The following RBFOX1 variants were observed in gnomAD, a reference collection of about 807,000 sequenced individuals.
RBFOX1 encodes the protein RNA binding fox-1 homolog 1.
RBFOX1 carries 8 observed loss-of-function variants against 57.7 expected under a neutral mutation model. The ratio of observed to expected loss-of-function variants is 0.14; its 90% CI spans 0.08 to 0.25. The LOEUF is 0.25. Ranked by LOEUF, RBFOX1 falls within the 10% of genes least tolerant of loss-of-function variation. The pLI, the probability that RBFOX1 is intolerant of heterozygous loss-of-function variation, is 1.00. For missense variants in RBFOX1, 611 were observed against 548.5 expected (o/e 1.11, Z -1.14); for synonymous variants, 326 against 222.4 (o/e 1.47, Z -4.15).
At chr16:6,086,972 C>G (rs902974999) in intron 1 of RBFOX1, among the ~76,000 whole-genome samples, 1 of 152,158 alleles carries the variant, frequency 6.6e-6, no homozygotes, top group African/African-American at 2.4e-5. Flanking sequence ...AGTCACAAAG[C>G]TGTAGCAACA....
At position 7,564,350 on chromosome 16, in the gene RBFOX1, C is replaced by T. The variant is rs190883223; in HGVS notation, c.271-15427C>T. On this transcript the variant is annotated intron_variant, in intron 5 of 15. Transcript: ENST00000550418. The stretch of plus-strand genomic sequence containing the variant: ...GTCAGGAGTTCAAGACCAGAGTGGC[C>T]AACATGTTGAAACCTCCTCTCTACT... Among the ~76,000 whole-genome samples, 78 of 151,678 alleles carry T rather than the reference C, an allele frequency of 5.1e-4. 1 individual carries two copies. Among genetic ancestry groups the T allele is most frequent in the African/African-American group, 1.8e-3 (74 of 41,300 alleles).
intron 2 of RBFOX1, among the ~76,000 whole-genome samples, chr16:6,412,252 T>A (rs1341955754): frequency 6.6e-6 from 1 of 151,950 alleles, no homozygotes; most frequent in South Asian, 2.1e-4. Context: ...AGAGAAAAGG[T>A]ATGTCCCCAA....
intron 3 of RBFOX1, among the ~76,000 whole-genome samples, chr16:6,982,294 T>C (rs2089133117): frequency 6.6e-6 from 1 of 152,180 alleles, no homozygotes; most frequent in African/African-American, 2.4e-5. Context: ...TTGACCTACA[T>C]TATTCCATTT....
At chr16:7,066,247 C>G (rs1484806620) in intron 4 of RBFOX1, among the ~76,000 whole-genome samples, 1 of 152,112 alleles carries the variant, frequency 6.6e-6, no homozygotes, top group Non-Finnish European at 1.5e-5. Flanking sequence ...GGAATTGAAC[C>G]CAGGTCTATA....
intron 4 of RBFOX1, among the ~76,000 whole-genome samples, chr16:7,150,501 C>T (rs993595133): frequency 3.3e-5 from 5 of 152,094 alleles, no homozygotes; most frequent in Non-Finnish European, 5.9e-5. Flanking sequence ...GTAACAATTC[C>T]ATAAATGATG....
intron 4 of RBFOX1, among the ~76,000 whole-genome samples, chr16:7,494,004 C>G (rs1356587673): frequency 6.6e-6 from 1 of 152,066 alleles, no homozygotes; most frequent in Admixed American, 6.6e-5. Flanking sequence ...GCAATGGCAC[C>G]TTTTATTTTT....
chr16:5,787,650 A>G (rs1186467895), intron 3 of RBFOX1, among the ~76,000 whole-genome samples: 1 of 152,184 alleles, frequency 6.6e-6, no homozygotes, highest in African/African-American at 2.4e-5. Flanking sequence ...AAAGGTGACA[A>G]AGAGCTGGAT....
intron 3 of RBFOX1, among the ~76,000 whole-genome samples, chr16:6,965,849 G>C (rs868529574): frequency 9.2e-5 from 14 of 151,544 alleles, no homozygotes; most frequent in Middle Eastern, 6.8e-3. Context: ...GCATCCATGG[G>C]GATAAGGAAA....
intron 2 of RBFOX1, among the ~76,000 whole-genome samples, chr16:6,401,727 A>C (rs1431514940): frequency 6.6e-6 from 1 of 152,188 alleles, no homozygotes; most frequent in Non-Finnish European, 1.5e-5. Flanking sequence ...GAAGGAAGAA[A>C]TCAAAGTTTA....
chr16:5,436,114 C>G (rs984772026), intron 1 of RBFOX1, among the ~76,000 whole-genome samples: 3 of 152,172 alleles, frequency 2.0e-5, no homozygotes, highest in Non-Finnish European at 4.4e-5. Context: ...AGGGGGCAGT[C>G]CTAGAGTCAT....
rs2062312092 is a variant in RBFOX1 at position 7,099,605 on chromosome 16, G to C, written c.27+47507G>C. ...CCTTGACACAGCCTCAGGAGGTCCTGAGGACACGTGCCCAAGGTGGTTGGG... is the reference window on the plus strand; with the variant it reads ...CCTTGACACAGCCTCAGGAGGTCCTCAGGACACGTGCCCAAGGTGGTTGGG... On this transcript the variant is annotated intron_variant, in intron 4 of 15. Transcript: ENST00000550418. Among the ~76,000 whole-genome samples the C allele has an allele frequency of 2.0e-5, 3 of 152,154 alleles. No individual in the cohort carries two copies. The South Asian group carries it at 6.2e-4, about 32-fold the overall frequency.
At chr16:6,718,253 G>A (rs1422267525) in intron 3 of RBFOX1, among the ~76,000 whole-genome samples, 1 of 152,184 alleles carries the variant, frequency 6.6e-6, no homozygotes, top group Non-Finnish European at 1.5e-5. Context: ...CATATGGTAG[G>A]TATGTTGGCA....
intron 4 of RBFOX1, among the ~76,000 whole-genome samples, chr16:7,281,196 C>G (rs1311858771): frequency 6.6e-6 from 1 of 151,788 alleles, no homozygotes; most frequent in African/African-American, 2.4e-5. Flanking sequence ...AGAGATGGGG[C>G]TTCACTGTGT....
chr16:6,249,633 C>T (rs891581116), intron 1 of RBFOX1, among the ~76,000 whole-genome samples: 1 of 152,036 alleles, frequency 6.6e-6, no homozygotes, highest in Non-Finnish European at 1.5e-5. Flanking sequence ...GGAGTGGCCC[C>T]TGTGGAGGTA....
intron 4 of RBFOX1, among the ~76,000 whole-genome samples, chr16:7,497,104 C>A (rs939114394): frequency 1.3e-5 from 2 of 152,164 alleles, no homozygotes; most frequent in Non-Finnish European, 2.9e-5. Context: ...CTAAGACAAA[C>A]CTGACCATGT....
intron 3 of RBFOX1, among the ~76,000 whole-genome samples, chr16:7,032,661 G>A (rs955023874): frequency 1.3e-5 from 2 of 151,964 alleles, no homozygotes; most frequent in Non-Finnish European, 2.9e-5. Context: ...TGGAATTAAA[G>A]ACGATAATCT....
chr16:6,382,062 G>T (rs975923225), intron 2 of RBFOX1, among the ~76,000 whole-genome samples: 3 of 152,216 alleles, frequency 2.0e-5, no homozygotes, highest in Non-Finnish European at 4.4e-5. Flanking sequence ...CGTGAAAGCT[G>T]CCTTGATGAT....
At chr16:6,003,729 C>T (rs879874646) in intron 4 of RBFOX1, among the ~76,000 whole-genome samples, 2 of 152,202 alleles carry the variant, frequency 1.3e-5, no homozygotes, top group Admixed American at 1.3e-4. Context: ...CTCTTGGGTT[C>T]AGCATCTTTG....
chr16:7,185,564 C>G (rs545888211), intron 4 of RBFOX1, among the ~76,000 whole-genome samples: 6 of 152,190 alleles, frequency 3.9e-5, no homozygotes, highest in Non-Finnish European at 7.3e-5. Context: ...AGATGGGATA[C>G]AGTGGTTTTC....
Sources: gnomAD v4.1 joint callset for allele counts (sites outside exome capture counted in the v4.1 genomes callset) on GRCh38, gnomAD v4.1.1 for gene constraint, MANE v1.5 for transcripts, NCBI Gene and HGNC (gene_info 2026-07-23, HGNC 2026-07-21) for gene names.